Variants in WWOX observed in about 807,000 individuals in gnomAD.
WWOX encodes the protein WW domain-containing oxidoreductase.
WWOX carries 69 observed loss-of-function variants against 46.2 expected under a neutral mutation model. The observed-to-expected ratio is 1.49, with a 90% CI of 1.23 to 1.82. WWOX has a LOEUF of 1.82. WWOX is among the 40% of genes most tolerant of loss of function. WWOX has a pLI of 0.00. For synonymous variants in WWOX, 359 were observed against 202.6 expected (o/e 1.77, Z -6.56); for missense variants, 919 against 542.6 (o/e 1.69, Z -6.89).
intron 8 of WWOX, among the ~76,000 whole-genome samples, chr16:79,063,842 T>C (rs1406716466): frequency 6.6e-6 from 1 of 152,212 alleles, no homozygotes; most frequent in Non-Finnish European, 1.5e-5. Flanking sequence ...AACCAGATGA[T>C]GATAGCTGTT....
At chr16:78,755,036 C>T (rs570172618) in intron 8 of WWOX, among the ~76,000 whole-genome samples, 16 of 89,510 alleles carry the variant, frequency 1.8e-4, no homozygotes, top group East Asian at 1.7e-3. Flanking sequence ...CATCACACAC[C>T]GGGGCCTGTC....
chr16:78,121,964 G>C (rs150667883), intron 4 of WWOX, among the ~76,000 whole-genome samples: 231 of 152,178 alleles, frequency 1.5e-3, no homozygotes, highest in African/African-American at 4.9e-3. Flanking sequence ...CCTGGCCCGT[G>C]TTTCACTTTT....
chr16:78,468,362 T>A (rs1264024675), intron 8 of WWOX, among the ~76,000 whole-genome samples: 1 of 151,864 alleles, frequency 6.6e-6, no homozygotes, highest in Non-Finnish European at 1.5e-5. Context: ...CATACCAGCT[T>A]CCTTCTCACC....
intron 8 of WWOX, among the ~76,000 whole-genome samples, chr16:78,967,976 ACCC>A (rs1341362103): frequency 6.6e-6 from 1 of 152,148 alleles, no homozygotes; most frequent in African/African-American, 2.4e-5. Context: ...TTTAGCCCAT[ACCC>A]CACTATATTA....
chr16:78,767,334 C>T (rs978243544), intron 8 of WWOX, among the ~76,000 whole-genome samples: 3 of 151,840 alleles, frequency 2.0e-5, no homozygotes, highest in South Asian at 2.1e-4. Context: ...CAGATTTTGC[C>T]GTGTTGCCCT....
rs772149149 is a variant in WWOX at position 78,259,570 on chromosome 16, G to A, written c.516+95281G>A. On this transcript the variant is annotated intron_variant, in intron 5 of 8. Transcript: ENST00000566780. ...TGGGCTCAAGTGATCCACCCACCTT[G>A]GCTTCCCAAAGTGCTGGGATTACAG... 2.0e-5 allele frequency among the ~76,000 whole-genome samples: 3 copies of A among 151,660 alleles called. No individual in the cohort carries two copies. In the East Asian group the frequency reaches 5.8e-4, roughly 29 times the overall value.
chr16:78,662,214 G>A (rs920745584), intron 8 of WWOX, among the ~76,000 whole-genome samples: 1 of 152,102 alleles, frequency 6.6e-6, no homozygotes, highest in African/African-American at 2.4e-5. Flanking sequence ...AGTGAGGTTT[G>A]TATAACCGAG....
intron 8 of WWOX, among the ~76,000 whole-genome samples, chr16:78,613,390 G>C (rs528848035): frequency 1.8e-4 from 27 of 152,158 alleles, no homozygotes; most frequent in Non-Finnish European, 3.8e-4. Context: ...GGTTGCCTGA[G>C]TGTCCCTGTT....
At chr16:78,386,978 A>T (rs774434428) in intron 6 of WWOX, 30 bp downstream of exon 6, 1 of 1,594,014 alleles carries the variant, frequency 6.3e-7, no homozygotes, top group Non-Finnish European at 8.6e-7. Flanking sequence ...GTTATAGATC[A>T]TAATTTCTTG....
At chr16:78,830,430 C>G (rs992703313) in intron 8 of WWOX, among the ~76,000 whole-genome samples, 1 of 152,076 alleles carries the variant, frequency 6.6e-6, no homozygotes, top group African/African-American at 2.4e-5. Flanking sequence ...TCCCCTCCCC[C>G]ACTTTTTCTA....
At chr16:78,825,886 G>C (rs571834073) in intron 8 of WWOX, 12 of 686,504 alleles carry the variant, frequency 1.7e-5, no homozygotes, top group Non-Finnish European at 2.6e-5. Context: ...AGAAGCCTCT[G>C]CCTGACCACG....
At chr16:78,429,607 T>C (rs1177664285) in intron 7 of WWOX, among the ~76,000 whole-genome samples, 1 of 152,162 alleles carries the variant, frequency 6.6e-6, no homozygotes, top group Non-Finnish European at 1.5e-5. Context: ...TAAATCCTTG[T>C]CCCTGTTGTC....
At position 78,386,876 on chromosome 16, in the gene WWOX, A is replaced by G. The variant is rs764588235; in HGVS notation, c.533A>G (p.Glu178Gly). Residue 178 changes from glutamate to glycine, a missense_variant, in exon 6 of 9, where the codon GAA becomes GGA. Physicochemically the swap from Glu to Gly is moderately conservative, Grantham distance 98. Transcript: ENST00000566780. ...ILEEWHKAKV[E>G]AMTLDLALLR... ...TCATTGCAGCATAAAGCCAAGGTAG[A>G]AGCAATGACCCTGGACCTCGCTCTG... 2.7e-5 allele frequency: 44 copies of G among 1,614,104 alleles called. No individual in the cohort carries two copies. In the South Asian group the frequency reaches 4.6e-4, roughly 17 times the overall value.
intron 8 of WWOX, among the ~76,000 whole-genome samples, chr16:78,916,680 C>T (rs769274373): frequency 1.3e-5 from 2 of 152,174 alleles, no homozygotes; most frequent in Admixed American, 6.5e-5. Flanking sequence ...ATCCCAGGCA[C>T]AATATCTCAG....
intron 8 of WWOX, among the ~76,000 whole-genome samples, chr16:79,127,838 A>G (rs546319810): frequency 1.3e-5 from 2 of 152,340 alleles, no homozygotes; most frequent in African/African-American, 4.8e-5. Flanking sequence ...GAATGCTCTC[A>G]AAATGTGCTT....
At chr16:78,302,295 C>G (rs2080055796) in intron 5 of WWOX, among the ~76,000 whole-genome samples, 1 of 152,004 alleles carries the variant, frequency 6.6e-6, no homozygotes. Context: ...TTTCATATTC[C>G]CAAAGCCATG....
At chr16:78,948,031 G>T (rs1271461784) in intron 8 of WWOX, among the ~76,000 whole-genome samples, 9 of 152,252 alleles carry the variant, frequency 5.9e-5, no homozygotes, top group African/African-American at 2.2e-4. Context: ...ATGGAGGCCT[G>T]AAGGGCTGGT....
intron 8 of WWOX, among the ~76,000 whole-genome samples, chr16:79,110,287 C>T (rs950298419): frequency 1.3e-5 from 2 of 152,142 alleles, no homozygotes; most frequent in African/African-American, 4.8e-5. Context: ...CTCCTACTTC[C>T]CCGCCACCTC....
At chr16:78,800,896 G>A (rs2050868650) in intron 8 of WWOX, among the ~76,000 whole-genome samples, 1 of 151,886 alleles carries the variant, frequency 6.6e-6, no homozygotes, top group Admixed American at 6.6e-5. Context: ...CTTTTGCAAG[G>A]CATTCCCCAA....
Sources: allele counts gnomAD v4.1 joint callset (sites outside exome capture counted in the v4.1 genomes callset), GRCh38; gene constraint gnomAD v4.1.1; transcripts MANE v1.5; gene names NCBI Gene and HGNC (gene_info 2026-07-23, HGNC 2026-07-21).